Variants in CYFIP1 observed in about 807,000 individuals in gnomAD.
CYFIP1 encodes the protein cytoplasmic FMR1 interacting protein 1.
CYFIP1 carries 58 observed loss-of-function variants against 163.5 expected under a neutral mutation model. That is an observed-to-expected ratio of 0.35 (90% CI 0.29 to 0.44). CYFIP1 has a LOEUF of 0.44. CYFIP1 is among the 20% of genes least tolerant of loss of function. The probability of loss-of-function intolerance (pLI) is 1.00; values close to 1 mark genes in which losing one functional copy is unlikely to be tolerated. For synonymous variants in CYFIP1, 663 were observed against 660.7 expected, an observed-to-expected ratio of 1.00 and a Z score of -0.05; for missense variants, 1,338 against 1,653.8, an observed-to-expected ratio of 0.81 and a Z score of 3.31.
At chr15:22,903,934 C>T in intron 21 of CYFIP1, 29 bp from the exon 22 acceptor site, 3 of 1,607,186 alleles carry the variant, frequency 1.9e-6, no homozygotes, top group Non-Finnish European at 2.6e-6. Flanking sequence ...GGGTGGGTGA[C>T]AGAGCTGGTC....
At chr15:22,925,730 C>G (rs758016109) in intron 13 of CYFIP1, among the ~76,000 whole-genome samples, 1 of 152,120 alleles carries the variant, frequency 6.6e-6, no homozygotes, top group African/African-American at 2.4e-5. Flanking sequence ...TCCCCGCACC[C>G]GACACTGCTC....
At chr15:22,959,738 C>A (rs947092302) in intron 1 of CYFIP1, among the ~76,000 whole-genome samples, 1 of 152,178 alleles carries the variant, frequency 6.6e-6, no homozygotes, top group Admixed American at 6.5e-5. Context: ...CTGGGTCCTG[C>A]GGCGCCCGGC....
Position 22,964,274 on chromosome 15 carries a change from C to CCACACACA in CYFIP1, c.-7+16005_-7+16012dup, listed in dbSNP as rs60879784. ...TGCAGAGTGAGTCCACTCCTCCTCA[C>CCACACACA]CACACACACACACACACACACACAC... On this transcript the variant is annotated intron_variant, in intron 1 of 30. Transcript: ENST00000617928. 5.4e-3 allele frequency among the ~76,000 whole-genome samples: 526 copies of CCACACACA among 97,178 alleles called. 20 individuals carry two copies. In the East Asian group the frequency reaches 0.078, roughly 14 times the overall value. The allele number at this position is 97,178 out of a possible 152,430, so 63.8% of individuals were successfully genotyped here.
Position 22,909,226 on chromosome 15 carries a change from G to T in CYFIP1, c.2356C>A (p.Arg786=), listed in dbSNP as rs1218233876. ...GAGGTCAAATCTTCACTTTCAAATC[G>T]TCCAATCGCCAGTTCTAGGGACTTA... is the stretch of plus-strand genomic sequence containing the variant. ...MYKSLELAIG[R]FESEDLTSIV... is the part of the protein sequence containing the mutation. Residue 786 remains arginine, a synonymous_variant, in exon 21 of 31, where the codon CGA becomes AGA. Transcript: ENST00000617928. The T allele has an allele frequency of 1.1e-5, 18 of 1,614,094 alleles. No individual in the cohort carries two copies. The highest frequency in any genetic ancestry group is 2.2e-5 in the East Asian group (1 of 44,888).
rs192560315 is a variant in CYFIP1, at chr15:22,950,866, C to T, written c.-6-3575G>A. Among the ~76,000 whole-genome samples the T allele has an allele frequency of 5.4e-4, 83 of 152,356 alleles. No individual in the cohort carries two copies. In the South Asian group the frequency reaches 6.0e-3, roughly 11 times the overall value. ...GCAATGCCTGCGCCGCCCATCTCAC[C>T]GCCATCTCACGGCGGGCACCAAAGG... On this transcript the variant is annotated intron_variant, in intron 1 of 30. Transcript: ENST00000617928.
chr15:22,980,626 T>TG (rs2063454692), upstream of CYFIP1, among the ~76,000 whole-genome samples: 1 of 151,604 alleles, frequency 6.6e-6, no homozygotes, highest in South Asian at 2.1e-4. Context: ...GGAGCGGGCG[T>TG]GGGGTCCTCC....
chr15:22,948,085 C>G, intron 1 of CYFIP1: 1 of 687,144 alleles, frequency 1.5e-6, no homozygotes, highest in Non-Finnish European at 1.8e-6. Context: ...GAAGGAGCCC[C>G]AAATCCCTCC....
In CYFIP1 at chr15:22,903,925, G is replaced by T; in HGVS notation, c.2389-20C>A. On this transcript the variant is annotated intron_variant, in intron 21 of 30. Coordinates refer to ENST00000617928, the MANE Select transcript of CYFIP1 (RefSeq NM_014608.6). The stretch of plus-strand genomic sequence containing the variant: ...CAGCTCCTGTGGCACCAAAGACAGG[G>T]GTGGGTGACAGAGCTGGTCCAGGCA... The T allele has an allele frequency of 6.2e-7, 1 of 1,611,384 alleles. No homozygotes were observed. The highest frequency in any genetic ancestry group is 8.5e-7 in the Non-Finnish European group (1 of 1,178,558).
At chr15:22,883,452 T>G (rs1380650137) in intron 23 of CYFIP1, among the ~76,000 whole-genome samples, 3 of 152,010 alleles carry the variant, frequency 2.0e-5, no homozygotes, top group Non-Finnish European at 1.5e-5. Context: ...AGGAAGGTAG[T>G]TAGGGTGTGT....
intron 22 of CYFIP1, among the ~76,000 whole-genome samples, chr15:22,901,839 T>C (rs1595552888): frequency 1.3e-5 from 2 of 152,230 alleles, no homozygotes; most frequent in Admixed American, 6.5e-5. Context: ...TTAAAATGCC[T>C]TTCCCAGATA....
At chr15:22,902,264 C>T (rs1164978615) in intron 22 of CYFIP1, among the ~76,000 whole-genome samples, 1 of 152,216 alleles carries the variant, frequency 6.6e-6, no homozygotes, top group Non-Finnish European at 1.5e-5. Flanking sequence ...GCACGCATGG[C>T]ACTGGGTGCA....
chr15:22,899,678 G>C (rs986284474), intron 22 of CYFIP1, among the ~76,000 whole-genome samples: 1 of 152,158 alleles, frequency 6.6e-6, no homozygotes, highest in Non-Finnish European at 1.5e-5. Flanking sequence ...CCCAGCCTCA[G>C]GTATGTCTTT....
chr15:22,903,694 G>T lies in CYFIP1; in HGVS notation c.2588+12C>A, dbSNP rs776710769. ...CCTCGCCTGTGGGCGCCTGTGTGGC[G>T]GGCACGCTCACCGGTTGGTAGAGCC... On this transcript the variant is annotated intron_variant, in intron 22 of 30. Transcript: ENST00000617928. 3 of 1,613,106 alleles carry T rather than the reference G, an allele frequency of 1.9e-6. No individual in the cohort carries two copies. In the South Asian group the frequency reaches 3.3e-5, roughly 18 times the overall value.
chr15:22,879,238 G>A (rs1194786564), intron 26 of CYFIP1, among the ~76,000 whole-genome samples: 2 of 152,166 alleles, frequency 1.3e-5, no homozygotes, highest in Non-Finnish European at 2.9e-5. Flanking sequence ...TGCCCACCTC[G>A]TTAGTCACGA....
chr15:22,952,610 G>A (rs1233407123), intron 1 of CYFIP1, among the ~76,000 whole-genome samples: 4 of 120,520 alleles, frequency 3.3e-5, no homozygotes, highest in African/African-American at 9.4e-5. Context: ...AGCTGAGATC[G>A]CACCACTGCA....
chr15:22,868,620 G>GTT lies in CYFIP1; in HGVS notation c.*1406_*1407dup, dbSNP rs869304072. 1 of 93,472 alleles carries GTT rather than the reference G, an allele frequency of 1.1e-5. No individual in the cohort carries two copies. Among genetic ancestry groups the GTT allele is most frequent in the Non-Finnish European group, 2.2e-5 (1 of 45,362 alleles). The allele number at this position is 93,472 out of a possible 1,614,324, so 5.8% of individuals were successfully genotyped here. A position where few individuals can be genotyped will look rare whatever the true frequency, so the allele number is the denominator to read the frequency against. On this transcript the variant is annotated 3_prime_UTR_variant, in exon 31 of 31. Coordinates refer to ENST00000617928, the MANE Select transcript of CYFIP1 (RefSeq NM_014608.6). ...AACTTTTTATAAAGAAAGAATAATT[G>GTT]TTTGTTAGGCTTCATGTCACTTGAG...
At chr15:22,875,906 T>C (rs1027225083) in intron 26 of CYFIP1, among the ~76,000 whole-genome samples, 4 of 100,022 alleles carry the variant, frequency 4.0e-5, no homozygotes, top group Non-Finnish European at 8.6e-5. Context: ...ATAAAGAAAA[T>C]GTACCTCCAG....
intron 23 of CYFIP1, among the ~76,000 whole-genome samples, chr15:22,891,137 A>G (rs966594329): frequency 1.3e-5 from 2 of 151,928 alleles, no homozygotes; most frequent in African/African-American, 4.8e-5. Flanking sequence ...CTAAAACACT[A>G]AAGATGGCCA....
intron 22 of CYFIP1, among the ~76,000 whole-genome samples, chr15:22,901,975 C>T (rs146029775): frequency 1.1e-3 from 162 of 152,294 alleles, no homozygotes; most frequent in African/African-American, 3.8e-3. Context: ...GCCCCTGTGA[C>T]AAGCTAGGGT....
Sources: gnomAD v4.1 joint callset for allele counts (sites outside exome capture counted in the v4.1 genomes callset) on GRCh38, gnomAD v4.1.1 for gene constraint, MANE v1.5 for transcripts, NCBI Gene and HGNC (gene_info 2026-07-23, HGNC 2026-07-21) for gene names.